The following DTWD1 variants were observed in gnomAD, a reference collection of about 807,000 sequenced individuals.
The protein encoded by DTWD1 is DTW motif tRNA-uridine aminocarboxypropyltransferase 1, also known as tRNA-uridine aminocarboxypropyltransferase 1.
DTWD1 carries 27 observed loss-of-function variants against 30.2 expected under a neutral mutation model. That is an observed-to-expected ratio of 0.90 (90% CI 0.66 to 1.23). The LOEUF (loss-of-function observed/expected upper bound fraction) is 1.23, where lower values mean the gene tolerates loss of function less well. DTWD1 is among the 50% of genes most tolerant of loss of function. DTWD1 has a pLI of 0.00. For missense variants in DTWD1, 342 were observed against 348.8 expected (o/e 0.98, Z 0.15); for synonymous variants, 99 against 113.1 (o/e 0.88, Z 0.79).
At chr15:49,633,049 C>CTATCTATCTATA (rs2078947255) in intron 3 of DTWD1, among the ~76,000 whole-genome samples, 1 of 117,316 alleles carries the variant, frequency 8.5e-6, no homozygotes, top group Non-Finnish European at 1.7e-5. Flanking sequence ...ATATCTATAT[C>CTATCTATCTATA]TATATATATA....
intron 2 of DTWD1, among the ~76,000 whole-genome samples, chr15:49,627,439 GGGAATGCAT>G (rs1457117516): frequency 6.6e-6 from 1 of 152,120 alleles, no homozygotes; most frequent in Admixed American, 6.5e-5. Flanking sequence ...TTTTAGTCTA[GGGAATGCAT>G]TCATAAATAT....
At chr15:49,625,935 A>C (rs1189327646) in intron 2 of DTWD1, among the ~76,000 whole-genome samples, 1 of 152,154 alleles carries the variant, frequency 6.6e-6, no homozygotes, top group Non-Finnish European at 1.5e-5. Flanking sequence ...TGGGCTTCTG[A>C]ACAAAGAATA....
intron 2 of DTWD1, chr15:49,626,874 G>GA (rs1567734740): frequency 3.0e-6 from 1 of 336,542 alleles, no homozygotes; most frequent in African/African-American, 2.1e-5. Flanking sequence ...AGTTTGCTCC[G>GA]AAAAAACAAG....
chr15:49,631,226 G>A (rs532810450), intron 2 of DTWD1, among the ~76,000 whole-genome samples: 27 of 152,096 alleles, frequency 1.8e-4, no homozygotes, highest in Non-Finnish European at 3.8e-4. Flanking sequence ...AGAAAGATTG[G>A]GGAGTAGTTA....
chr15:49,644,820 C>G lies in DTWD1; in HGVS notation c.*1242C>G, dbSNP rs1402329216. ...AGTTATTACTAGCCCCAGTATAGTT[C>G]ACTACAACTTGTTGCTTTACCTAAA... On this transcript the variant is annotated 3_prime_UTR_variant, in exon 5 of 5. Transcript: ENST00000403028. The G allele has an allele frequency of 6.6e-6, 1 of 152,144 alleles. No individual in the cohort carries two copies. Among genetic ancestry groups the G allele is most frequent in the Admixed American group, 6.6e-5 (1 of 15,248 alleles). The allele number at this position is 152,144 out of a possible 1,614,324, so 9.4% of individuals were successfully genotyped here. A position where few individuals can be genotyped will look rare whatever the true frequency, so the allele number is the denominator to read the frequency against.
chr15:49,649,059 A>C lies in DTWD1; in HGVS notation c.*5481A>C, dbSNP rs2079137466. On this transcript the variant is annotated 3_prime_UTR_variant, in exon 5 of 5. Coordinates refer to ENST00000403028, the MANE Select transcript of DTWD1 (RefSeq NM_001144955.2). ...GTGATTTCTAAAATTGAGGACATTA[A>C]GTCATTAGAGTAAAAAAAAGATGTA... is the stretch of plus-strand genomic sequence containing the variant. The C allele has an allele frequency of 6.6e-6, 1 of 152,016 alleles. No individual in the cohort carries two copies. The highest frequency in any genetic ancestry group is 2.4e-5 in the African/African-American group (1 of 41,318). The allele number at this position is 152,016 out of a possible 1,614,324, so 9.4% of individuals were successfully genotyped here. A position where few individuals can be genotyped will look rare whatever the true frequency, so the allele number is the denominator to read the frequency against.
At chr15:49,633,940 T>C (rs1165120342) in intron 3 of DTWD1, among the ~76,000 whole-genome samples, 2 of 152,224 alleles carry the variant, frequency 1.3e-5, no homozygotes, top group African/African-American at 4.8e-5. Context: ...AATTTTTCAC[T>C]GTAATAAATA....
At chr15:49,631,784 T>C (rs1397670618) in intron 2 of DTWD1, among the ~76,000 whole-genome samples, 2 of 151,932 alleles carry the variant, frequency 1.3e-5, no homozygotes, top group African/African-American at 4.8e-5. Context: ...AAAAATAAAA[T>C]AAAATGGCAT....
At chr15:49,624,816 A>T (rs1049823968) in intron 1 of DTWD1, among the ~76,000 whole-genome samples, 9 of 152,234 alleles carry the variant, frequency 5.9e-5, no homozygotes, top group Non-Finnish European at 1.3e-4. Flanking sequence ...TCCCTGTCTG[A>T]TGCTAACGTG....
chr15:49,622,393 TGAA>T (rs1210516176), intron 1 of DTWD1, among the ~76,000 whole-genome samples: 3 of 151,988 alleles, frequency 2.0e-5, no homozygotes, highest in African/African-American at 7.3e-5. Flanking sequence ...ACTTTGAGAG[TGAA>T]GATAGAGGAT....
chr15:49,625,565 A>T, intron 2 of DTWD1, 134 bp downstream of exon 2: 1 of 978,974 alleles, frequency 1.0e-6, no homozygotes, highest in Non-Finnish European at 1.5e-6. Flanking sequence ...TGCTGCAAAG[A>T]AAAACTAGCA....
rs982817929 is a variant in DTWD1, at chr15:49,623,406, T to C, written c.-55-1707T>C. 2.0e-5 allele frequency among the ~76,000 whole-genome samples: 3 copies of C among 151,788 alleles called. No individual in the cohort carries two copies. The East Asian group carries it at 5.8e-4, about 29-fold the overall frequency. ...ATTTGCAACTCTCATTTCTGGGGAC[T>C]ATTAGGATCTCTTCCCAAGCTTTTT... On this transcript the variant is annotated intron_variant, in intron 1 of 4. Coordinates refer to ENST00000403028, the MANE Select transcript of DTWD1 (RefSeq NM_001144955.2).
intron 3 of DTWD1, 107 bp downstream of exon 3, chr15:49,632,409 A>G (rs2078934647): frequency 2.8e-6 from 3 of 1,085,778 alleles, no homozygotes; most frequent in South Asian, 3.1e-5. Flanking sequence ...TTTTCTTAGT[A>G]AAGTATTATG....
At chr15:49,637,634 C>T (rs2079018740) in intron 4 of DTWD1, among the ~76,000 whole-genome samples, 1 of 152,102 alleles carries the variant, frequency 6.6e-6, no homozygotes. Context: ...TGATTTAAAA[C>T]AGTTACTTTA....
At position 49,625,545 on chromosome 15, in the gene DTWD1, A is replaced by G. The variant is rs547693113; in HGVS notation, c.264+114A>G. 281 of 1,145,090 alleles carry G rather than the reference A, an allele frequency of 2.5e-4. 4 individuals carry two copies. In the South Asian group the frequency reaches 4.5e-3, roughly 18 times the overall value. The allele number at this position is 1,145,090 out of a possible 1,614,324, so 70.9% of individuals were successfully genotyped here. A position where few individuals can be genotyped will look rare whatever the true frequency, so the allele number is the denominator to read the frequency against. ...AAATAATGTTATTATTGTTAGAAAC[A>G]AGTGCTTGTTGCTGCAAAGAAAAAC... is the stretch of plus-strand genomic sequence containing the variant. On this transcript the variant is annotated intron_variant, in intron 2 of 4. Transcript: ENST00000403028.
intron 3 of DTWD1, chr15:49,633,625 G>T: frequency 7.2e-6 from 2 of 278,128 alleles, no homozygotes; most frequent in Non-Finnish European, 1.4e-5. Flanking sequence ...ATGAGCCACT[G>T]TGCCCGGCCA....
chr15:49,625,405 C>T lies in DTWD1; in HGVS notation c.238C>T (p.Pro80Ser). Residue 80 changes from proline (P) to serine (S), a missense_variant, in exon 2 of 5, where the codon CCT (proline) becomes TCT (serine). Pro to Ser is a moderately conservative substitution (Grantham distance 74, BLOSUM62 -1). Coordinates refer to ENST00000403028, the MANE Select transcript of DTWD1 (RefSeq NM_001144955.2). Reference protein sequence around the residue: ...YTCYVPVENVPIEQIPLVKLP... With the variant: ...YTCYVPVENVSIEQIPLVKLP... ...ATGTTATGTTCCAGTTGAAAATGTA[C>T]CTATTGAACAGATTCCACTTGTGAA... 1 of 1,612,964 alleles carries T rather than the reference C, an allele frequency of 6.2e-7. No homozygotes were observed. The highest frequency in any genetic ancestry group is 1.7e-5 in the Admixed American group (1 of 59,890).
intron 4 of DTWD1, among the ~76,000 whole-genome samples, chr15:49,639,227 T>G (rs1177715410): frequency 6.6e-6 from 1 of 152,166 alleles, no homozygotes; most frequent in Non-Finnish European, 1.5e-5. Flanking sequence ...GGAAAAGCCA[T>G]TTGTAATTAT....
In DTWD1 at chr15:49,644,113, C is replaced by A. The variant is rs1265861516; in HGVS notation, c.*535C>A. 1 of 152,182 alleles carries A rather than the reference C, an allele frequency of 6.6e-6. No homozygotes were observed. The highest frequency in any genetic ancestry group is 2.4e-5 in the African/African-American group (1 of 41,434). The allele number at this position is 152,182 out of a possible 1,614,324, so 9.4% of individuals were successfully genotyped here. On this transcript the variant is annotated 3_prime_UTR_variant, in exon 5 of 5. Coordinates refer to ENST00000403028, the MANE Select transcript of DTWD1 (RefSeq NM_001144955.2). ...GACTCTGGAGCTAGACTACCTGAATCTAAATCTCAGCCTTTCTGCTTATCA... is the reference window on the plus strand; with the variant it reads ...GACTCTGGAGCTAGACTACCTGAATATAAATCTCAGCCTTTCTGCTTATCA...
Sources: gnomAD v4.1 joint callset for allele counts (sites outside exome capture counted in the v4.1 genomes callset) on GRCh38, gnomAD v4.1.1 for gene constraint, MANE v1.5 for transcripts, NCBI Gene and HGNC (gene_info 2026-07-23, HGNC 2026-07-21) for gene names.